ASXL3: variants seen among roughly 807,000 people sequenced by gnomAD.
ASXL3 encodes the protein putative Polycomb group protein ASXL3.
ASXL3 carries 34 observed loss-of-function variants against 170.6 expected under a neutral mutation model. The observed-to-expected ratio is 0.20, with a 90% CI of 0.15 to 0.27. ASXL3 has a LOEUF of 0.27. ASXL3 is among the 10% of genes least tolerant of loss of function. The pLI is 1.00. For synonymous variants in ASXL3, 1,002 were observed against 989.1 expected (o/e 1.01, Z -0.24); for missense variants, 2,592 against 2,695.3 (o/e 0.96, Z 0.85).
chr18:33,582,826 C>T (rs964426232), intron 1 of ASXL3, among the ~76,000 whole-genome samples: 2 of 151,358 alleles, frequency 1.3e-5, no homozygotes, highest in African/African-American at 2.4e-5. Context: ...AGGCACATAA[C>T]CTTTTACGAC....
At chr18:33,735,063 CT>C (rs764595019) in intron 10 of ASXL3, among the ~76,000 whole-genome samples, 3 of 152,138 alleles carry the variant, frequency 2.0e-5, no homozygotes, top group Non-Finnish European at 4.4e-5. Flanking sequence ...AATCAGATCC[CT>C]AAAAAAGGAG....
chr18:33,633,815 AGCCTGGCG>A (rs2065721652), intron 2 of ASXL3, among the ~76,000 whole-genome samples: 1 of 148,492 alleles, frequency 6.7e-6, no homozygotes, highest in Admixed American at 6.8e-5. Flanking sequence ...ACTGCATTAC[AGCCTGGCG>A]GCACAGCAAG....
At chr18:33,681,510 CT>C (rs752897742) in intron 7 of ASXL3, among the ~76,000 whole-genome samples, 68 of 152,056 alleles carry the variant, frequency 4.5e-4, no homozygotes, top group Admixed American at 1.0e-3. Context: ...AGAGATGTCA[CT>C]GTCTTTATTG....
At chr18:33,616,449 C>G (rs189613137) in intron 2 of ASXL3, among the ~76,000 whole-genome samples, 46 of 151,848 alleles carry the variant, frequency 3.0e-4, no homozygotes, top group Middle Eastern at 3.4e-3. Context: ...TGCATAGGCA[C>G]TCACATTTCT....
intron 2 of ASXL3, among the ~76,000 whole-genome samples, chr18:33,609,500 C>A (rs747405541): frequency 2.0e-5 from 3 of 151,966 alleles, no homozygotes; most frequent in Non-Finnish European, 2.9e-5. Context: ...ATCATTATAT[C>A]ATTATTTCAA....
At chr18:33,676,556 A>G (rs1383996412) in intron 7 of ASXL3, among the ~76,000 whole-genome samples, 2 of 152,182 alleles carry the variant, frequency 1.3e-5, no homozygotes, top group Admixed American at 1.3e-4. Context: ...AATCAAGTAC[A>G]ATAGAAAACA....
intron 4 of ASXL3, among the ~76,000 whole-genome samples, chr18:33,655,124 T>C (rs984443431): frequency 2.0e-5 from 3 of 152,086 alleles, no homozygotes; most frequent in African/African-American, 7.2e-5. Flanking sequence ...TTGCATCATA[T>C]GATATCAGCC....
intron 8 of ASXL3, among the ~76,000 whole-genome samples, chr18:33,703,546 C>G (rs930147536): frequency 2.0e-5 from 3 of 152,120 alleles, no homozygotes; most frequent in Non-Finnish European, 4.4e-5. Context: ...AGGTATTTAG[C>G]CTTTGGAACT....
At chr18:33,614,150 A>G (rs2065382190) in intron 2 of ASXL3, 1 of 152,254 alleles carries the variant, frequency 6.6e-6, no homozygotes, top group African/African-American at 2.4e-5. Context: ...CTATTTGATA[A>G]CATTTTACCC....
chr18:33,740,044 A>T lies in ASXL3; in HGVS notation c.2640A>T (p.Pro880=), dbSNP rs965881712. The T allele has an allele frequency of 1.9e-6, 3 of 1,613,816 alleles. No individual in the cohort carries two copies. The highest frequency in any genetic ancestry group is 2.7e-5 in the African/African-American group (2 of 74,938). The change falls in exon 11 of 12, where the codon CCA becomes CCT. Residue 880 remains proline, a synonymous_variant. Coordinates refer to ENST00000269197, the MANE Select transcript of ASXL3 (RefSeq NM_030632.3). ...CAGAAAAAAAAGTGTTACCTTCACCATTGGAATTATCTGTCTTTTCTGAAG... is the reference window on the plus strand; with the variant it reads ...CAGAAAAAAAAGTGTTACCTTCACCTTTGGAATTATCTGTCTTTTCTGAAG... The part of the protein sequence containing the change: ...QRTEKKVLPS[P]LELSVFSEGT...
At chr18:33,676,812 ACCCT>A (rs1000015868) in intron 7 of ASXL3, among the ~76,000 whole-genome samples, 12 of 151,494 alleles carry the variant, frequency 7.9e-5, no homozygotes, top group Non-Finnish European at 1.8e-4. Flanking sequence ...ACCACTTAAA[ACCCT>A]CCCCCATGAA....
intron 5 of ASXL3, among the ~76,000 whole-genome samples, chr18:33,667,899 A>T (rs887303598): frequency 6.6e-6 from 1 of 152,222 alleles, no homozygotes; most frequent in Non-Finnish European, 1.5e-5. Context: ...GGTCTCAAAA[A>T]TGCATTGGTT....
At chr18:33,619,160 A>T (rs1016415068) in intron 2 of ASXL3, among the ~76,000 whole-genome samples, 6 of 152,148 alleles carry the variant, frequency 3.9e-5, no homozygotes, top group African/African-American at 1.4e-4. Context: ...GAAAAAGTTC[A>T]TCAAGCTAGA....
intron 2 of ASXL3, among the ~76,000 whole-genome samples, chr18:33,641,605 C>T (rs998462212): frequency 6.6e-6 from 1 of 151,992 alleles, no homozygotes; most frequent in African/African-American, 2.4e-5. Flanking sequence ...AAAATCGAAG[C>T]CACCTTTTAG....
At chr18:33,737,936 AAAAAATATATAT>A (rs1260666698) in intron 10 of ASXL3, among the ~76,000 whole-genome samples, 1 of 150,902 alleles carries the variant, frequency 6.6e-6, no homozygotes, top group Non-Finnish European at 1.5e-5. Flanking sequence ...TTGCAGATTT[AAAAAATATATAT>A]TTTATACGTT....
chr18:33,725,612 C>T (rs2067336620), intron 8 of ASXL3, among the ~76,000 whole-genome samples: 3 of 152,152 alleles, frequency 2.0e-5, no homozygotes, highest in Admixed American at 6.6e-5. Context: ...TATTTGAAAA[C>T]AATATTTACC....
chr18:33,611,448 G>A (rs550562195), intron 2 of ASXL3, among the ~76,000 whole-genome samples: 1 of 152,104 alleles, frequency 6.6e-6, no homozygotes, highest in East Asian at 1.9e-4. Flanking sequence ...GTCCCTCTGT[G>A]TGCTTGCTTC....
rs559646194 is a variant in ASXL3, at chr18:33,601,578, T to C, written c.55-6016T>C. On this transcript the variant is annotated intron_variant, in intron 1 of 11. Coordinates refer to ENST00000269197, the MANE Select transcript of ASXL3 (RefSeq NM_030632.3). ...CATTCCCCCAAATTAACTTGGTCTT[T>C]GTTTATTGGAGCCTATTTAGTAGTG... Among the ~76,000 whole-genome samples, 4 of 151,836 alleles carry C rather than the reference T, an allele frequency of 2.6e-5. No homozygotes were observed. The East Asian group carries it at 7.8e-4, about 29-fold the overall frequency.
chr18:33,715,570 T>C lies in ASXL3; in HGVS notation c.880-16398T>C, dbSNP rs778814882. Among the ~76,000 whole-genome samples the C allele has an allele frequency of 5.9e-5, 9 of 152,196 alleles. 1 individual carries two copies. The highest frequency in any genetic ancestry group is 1.3e-4 in the Non-Finnish European group (9 of 68,032). ...TGGGCCCAGTGCTGATTTGTAATTA[T>C]TGGAAAACTCAATGTGATTACTCTC... is the stretch of plus-strand genomic sequence containing the variant. On this transcript the variant is annotated intron_variant, in intron 8 of 11. Transcript: ENST00000269197.
Sources: gnomAD v4.1 joint callset for allele counts (sites outside exome capture counted in the v4.1 genomes callset) on GRCh38, gnomAD v4.1.1 for gene constraint, MANE v1.5 for transcripts, NCBI Gene and HGNC (gene_info 2026-07-23, HGNC 2026-07-21) for gene names.